Variants in FARS2 observed in about 807,000 individuals in gnomAD.
The protein encoded by FARS2 is phenylalanyl-tRNA synthetase 2, mitochondrial.
FARS2 carries 40 observed loss-of-function variants against 46.4 expected under a neutral mutation model. That is an observed-to-expected ratio of 0.86 (90% CI 0.67 to 1.12). The LOEUF (loss-of-function observed/expected upper bound fraction) is 1.12. Ranked by LOEUF, FARS2 falls within the 50% of genes most tolerant of loss-of-function variation. FARS2 has a pLI of 0.00. For missense variants in FARS2, 513 were observed against 567.9 expected (o/e 0.90, Z 0.98); for synonymous variants, 234 against 214.9 (o/e 1.09, Z -0.78).
the FARS2 span, among the ~76,000 whole-genome samples, chr6:5,250,033 C>T: frequency 6.6e-6 from 1 of 152,100 alleles, no homozygotes; most frequent in Non-Finnish European, 1.5e-5. Flanking sequence ...AGAGTATTAT[C>T]CTACTGCAAC....
rs776003496 is a variant in FARS2 at position 5,551,695 on chromosome 6, A to C, written c.1065+6355A>C. 8.3e-4 allele frequency among the ~76,000 whole-genome samples: 126 copies of C among 152,184 alleles called. 1 individual carries two copies. The highest frequency in any genetic ancestry group is 4.4e-4 in the Non-Finnish European group (30 of 68,034). ...ATCCAGAATCAGCCTGATTGGCCTAAAGTAAAGGTGTCAGCAGGGCTGGTT... is the reference window on the plus strand; with the variant it reads ...ATCCAGAATCAGCCTGATTGGCCTACAGTAAAGGTGTCAGCAGGGCTGGTT... On this transcript the variant is annotated intron_variant, in intron 5 of 6. Coordinates refer to ENST00000274680, the MANE Select transcript of FARS2 (RefSeq NM_006567.5).
chr6:5,400,627 A>ATGTG (rs143424234), intron 2 of FARS2, among the ~76,000 whole-genome samples: 27,987 of 150,424 alleles, frequency 0.19, 3,020 homozygotes, highest in Middle Eastern at 0.26. Flanking sequence ...ATATGTGTGT[A>ATGTG]TGTGTGTGTG....
At chr6:5,310,212 A>G (rs1329197819) in intron 1 of FARS2, among the ~76,000 whole-genome samples, 1 of 152,192 alleles carries the variant, frequency 6.6e-6, no homozygotes, top group African/African-American at 2.4e-5. Context: ...TCTTTATTTC[A>G]TTCTTTATAC....
chr6:5,282,544 T>C (rs1766811227), intron 1 of FARS2, among the ~76,000 whole-genome samples: 1 of 151,794 alleles, frequency 6.6e-6, no homozygotes. Flanking sequence ...TGAGGGTTAG[T>C]GGTAGGGAAA....
intron 2 of FARS2, among the ~76,000 whole-genome samples, chr6:5,388,056 A>T (rs548863159): frequency 4.0e-5 from 6 of 151,732 alleles, no homozygotes; most frequent in African/African-American, 1.5e-4. Context: ...TTACATTATT[A>T]CCTGTATTCA....
In FARS2 at chr6:5,632,105, A is replaced by G. The variant is rs117720536; in HGVS notation, c.1217+18785A>G. ...GCTTTTGAATTAAGTTTTAAAAATC[A>G]CTTTTTCACCCTATGCCCCAATAAA... On this transcript the variant is annotated intron_variant, in intron 6 of 6. Transcript: ENST00000274680. 2.8e-3 allele frequency among the ~76,000 whole-genome samples: 431 copies of G among 152,332 alleles called. 13 individuals carry two copies. In the East Asian group the frequency reaches 0.073, roughly 26 times the overall value.
chr6:5,564,952 G>A (rs758764327), intron 5 of FARS2, among the ~76,000 whole-genome samples: 14 of 152,274 alleles, frequency 9.2e-5, no homozygotes, highest in South Asian at 2.1e-4. Context: ...TGCCTGTCAC[G>A]CTTGATTCCT....
intron 4 of FARS2, among the ~76,000 whole-genome samples, chr6:5,463,747 T>C (rs1765367726): frequency 1.3e-5 from 2 of 152,250 alleles, no homozygotes; most frequent in Admixed American, 1.3e-4. Context: ...ATGTCATTTT[T>C]CTGTTGCCCT....
intron 6 of FARS2, among the ~76,000 whole-genome samples, chr6:5,699,509 G>T (rs114511417): frequency 0.04 from 5,970 of 149,664 alleles, 150 homozygotes; most frequent in African/African-American, 0.069. Flanking sequence ...GATCACAGGA[G>T]ATTTTTTTTT....
At chr6:5,541,218 G>A (rs1164661139) in intron 4 of FARS2, among the ~76,000 whole-genome samples, 2 of 152,156 alleles carry the variant, frequency 1.3e-5, no homozygotes, top group African/African-American at 4.8e-5. Flanking sequence ...TCAGTTTCCA[G>A]TTCACAAGGA....
intron 4 of FARS2, among the ~76,000 whole-genome samples, chr6:5,444,875 A>G (rs1013254955): frequency 5.3e-5 from 8 of 152,224 alleles, no homozygotes; most frequent in Non-Finnish European, 2.9e-5. Context: ...AAGGATGGGC[A>G]GTGGGAAGCA....
intron 6 of FARS2, among the ~76,000 whole-genome samples, chr6:5,749,916 T>A (rs954172567): frequency 6.6e-6 from 1 of 152,000 alleles, no homozygotes; most frequent in Non-Finnish European, 1.5e-5. Flanking sequence ...CCGAGCGGAG[T>A]GGCCCTTGGG....
chr6:5,450,685 TGGGAGGTAGTGTGCC>T (rs11271473), intron 4 of FARS2, among the ~76,000 whole-genome samples: 110,323 of 151,902 alleles, frequency 0.73, 40,355 homozygotes, highest in East Asian at 0.92. Context: ...ACTTGGCGTG[TGGGAGGTAGTGTGCC>T]GCCTGTTAGT....
At chr6:5,426,408 T>C (rs571846337) in intron 3 of FARS2, among the ~76,000 whole-genome samples, 3 of 152,274 alleles carry the variant, frequency 2.0e-5, no homozygotes, top group East Asian at 3.9e-4. Flanking sequence ...ACACTCAACA[T>C]AGTTTTGAGC....
chr6:5,762,071 TA>T lies in FARS2; in HGVS notation c.1218-9219del, dbSNP rs560580709. On this transcript the variant is annotated intron_variant, in intron 6 of 6. Coordinates refer to ENST00000274680, the MANE Select transcript of FARS2 (RefSeq NM_006567.5). ...CAGGGTTCATCTATGTTGTAGCATG[TA>T]TCATATCAGTGATCCATCTGTACAG... Among the ~76,000 whole-genome samples the T allele has an allele frequency of 1.1e-3, 168 of 152,336 alleles. 1 individual carries two copies. The South Asian group carries it at 0.012, about 11-fold the overall frequency.
At chr6:5,512,947 T>A (rs892179992) in intron 4 of FARS2, among the ~76,000 whole-genome samples, 1 of 152,138 alleles carries the variant, frequency 6.6e-6, no homozygotes, top group Non-Finnish European at 1.5e-5. Context: ...TCAGACACAC[T>A]GGGGACCCTG....
intron 4 of FARS2, among the ~76,000 whole-genome samples, chr6:5,519,031 C>T (rs1223662519): frequency 1.3e-5 from 2 of 152,048 alleles, no homozygotes; most frequent in Admixed American, 1.3e-4. Context: ...TAAAATTTTA[C>T]CTCTAAAATA....
intron 4 of FARS2, among the ~76,000 whole-genome samples, chr6:5,476,533 G>GATGGATGA (rs1766133260): frequency 6.6e-6 from 1 of 151,304 alleles, no homozygotes; most frequent in African/African-American, 2.4e-5. Context: ...ATAGTTATTG[G>GATGGATGA]ATGAATGAAT....
intron 4 of FARS2, among the ~76,000 whole-genome samples, chr6:5,523,968 G>A (rs368882012): frequency 2.0e-5 from 3 of 152,024 alleles, no homozygotes; most frequent in African/African-American, 2.4e-5. Flanking sequence ...TCTTCAAAGG[G>A]GTCATGTTTC....
Sources: allele counts gnomAD v4.1 joint callset (sites outside exome capture counted in the v4.1 genomes callset), GRCh38; gene constraint gnomAD v4.1.1; transcripts MANE v1.5; gene names NCBI Gene and HGNC (gene_info 2026-07-23, HGNC 2026-07-21).